LRRTM4: variants seen among roughly 807,000 people sequenced by gnomAD.
LRRTM4 encodes the protein leucine rich repeat transmembrane neuronal 4, also known as leucine-rich repeat transmembrane neuronal protein 4.
In LRRTM4, 25 loss-of-function variants were observed where a neutral mutation model predicts 47.6. The observed-to-expected ratio is 0.53, with a 90% CI of 0.38 to 0.73. The LOEUF (loss-of-function observed/expected upper bound fraction) is 0.73, where lower values mean the gene tolerates loss of function less well. Among genes scored for constraint, LRRTM4 ranks in the 30% least tolerant of loss-of-function variants. The pLI, the probability that LRRTM4 is intolerant of heterozygous loss-of-function variation, is 0.00. For missense variants in LRRTM4, 638 were observed against 713.4 expected, an observed-to-expected ratio of 0.89 and a Z score of 1.20; for synonymous variants, 311 against 269.5, an observed-to-expected ratio of 1.15 and a Z score of -1.51.
chr2:76,872,332 A>T (rs564090180), intron 3 of LRRTM4, among the ~76,000 whole-genome samples: 1 of 152,256 alleles, frequency 6.6e-6, no homozygotes, highest in South Asian at 2.1e-4. Flanking sequence ...AAATGGAGTG[A>T]ATAAGAAAAG....
intron 3 of LRRTM4, among the ~76,000 whole-genome samples, chr2:76,834,175 G>C (rs115135010): frequency 0.078 from 11,861 of 151,116 alleles, 503 homozygotes; most frequent in Middle Eastern, 0.15. Context: ...CTAATGGCTG[G>C]GATTACAGGT....
At chr2:76,854,339 C>G (rs1672085165) in intron 3 of LRRTM4, among the ~76,000 whole-genome samples, 1 of 152,080 alleles carries the variant, frequency 6.6e-6, no homozygotes, top group East Asian at 1.9e-4. Context: ...TGCTGAGAAT[C>G]TGCTTTTACT....
At chr2:77,075,693 A>G (rs1306196318) in intron 3 of LRRTM4, among the ~76,000 whole-genome samples, 1 of 151,588 alleles carries the variant, frequency 6.6e-6, no homozygotes, top group African/African-American at 2.4e-5. Flanking sequence ...AGGCGGGCAG[A>G]TCACGAGGTC....
chr2:76,983,301 G>A (rs141544004), intron 3 of LRRTM4, among the ~76,000 whole-genome samples: 1 of 151,898 alleles, frequency 6.6e-6, no homozygotes, highest in Admixed American at 6.6e-5. Context: ...TAAACAGTAG[G>A]GATATGGTTT....
chr2:77,329,830 C>A (rs1035159559), intron 3 of LRRTM4, among the ~76,000 whole-genome samples: 2 of 152,010 alleles, frequency 1.3e-5, no homozygotes, highest in Non-Finnish European at 2.9e-5. Context: ...TGTTTTGGGT[C>A]TTGAAAGAGG....
At chr2:76,987,320 TAAATA>T (rs1354030810) in intron 3 of LRRTM4, 3 of 110,458 alleles carry the variant, frequency 2.7e-5, no homozygotes, top group African/African-American at 6.1e-5. Flanking sequence ...TTTTCAGGAT[TAAATA>T]ATTTATTCTT....
chr2:76,778,875 C>T (rs1007608538), intron 3 of LRRTM4, among the ~76,000 whole-genome samples: 1 of 151,694 alleles, frequency 6.6e-6, no homozygotes, highest in Non-Finnish European at 1.5e-5. Context: ...TTGGATCTTT[C>T]CTGCTTTCTT....
chr2:77,510,072 T>A (rs1448580977), intron 3 of LRRTM4, among the ~76,000 whole-genome samples: 1 of 152,190 alleles, frequency 6.6e-6, no homozygotes, highest in Non-Finnish European at 1.5e-5. Flanking sequence ...GTATTTACAT[T>A]GTTTCTTTAA....
At chr2:77,013,587 C>G (rs933425847) in intron 3 of LRRTM4, among the ~76,000 whole-genome samples, 6 of 151,916 alleles carry the variant, frequency 3.9e-5, no homozygotes, top group Non-Finnish European at 4.4e-5. Context: ...AATTGACAGC[C>G]TAGGCTGAGA....
chr2:77,386,337 A>G (rs1018438901), intron 3 of LRRTM4, among the ~76,000 whole-genome samples: 1 of 152,184 alleles, frequency 6.6e-6, no homozygotes, highest in Non-Finnish European at 1.5e-5. Context: ...ACATAAGTCA[A>G]GTATATCTAA....
chr2:76,793,976 T>A (rs1162607701), intron 3 of LRRTM4, among the ~76,000 whole-genome samples: 1 of 152,212 alleles, frequency 6.6e-6, no homozygotes, highest in Non-Finnish European at 1.5e-5. Flanking sequence ...ATGTCCCACT[T>A]ACATTTTGGA....
At chr2:77,404,015 T>C (rs549357545) in intron 3 of LRRTM4, among the ~76,000 whole-genome samples, 9 of 152,098 alleles carry the variant, frequency 5.9e-5, no homozygotes, top group African/African-American at 2.2e-4. Flanking sequence ...ATGTACTTTA[T>C]TATTCTAGTT....
chr2:77,065,414 G>C (rs769796220), intron 3 of LRRTM4, among the ~76,000 whole-genome samples: 1 of 152,154 alleles, frequency 6.6e-6, no homozygotes, highest in Non-Finnish European at 1.5e-5. Flanking sequence ...ATTAATGCAT[G>C]TCCTGCTCTT....
intron 3 of LRRTM4, among the ~76,000 whole-genome samples, chr2:77,461,298 G>A (rs1458258092): frequency 6.6e-6 from 1 of 151,974 alleles, no homozygotes; most frequent in Admixed American, 6.6e-5. Flanking sequence ...TTACTTTCTG[G>A]TTATTGTACA....
intron 3 of LRRTM4, among the ~76,000 whole-genome samples, chr2:77,263,276 G>A (rs1675966830): frequency 6.6e-6 from 1 of 152,060 alleles, no homozygotes; most frequent in Admixed American, 6.6e-5. Flanking sequence ...CCATCTGGCT[G>A]TTCCCTATTT....
chr2:77,021,517 G>A (rs535929720), intron 3 of LRRTM4, among the ~76,000 whole-genome samples: 1 of 152,284 alleles, frequency 6.6e-6, no homozygotes, highest in South Asian at 2.1e-4. Flanking sequence ...GCAAAAACGT[G>A]ATAAGTGATT....
chr2:76,873,520 A>ACATATATATATATATATATATATG (rs764805070), intron 3 of LRRTM4, among the ~76,000 whole-genome samples: 162 of 143,558 alleles, frequency 1.1e-3, no homozygotes, highest in Middle Eastern at 3.6e-3. Context: ...ATATATATAT[A>ACATATATATATATATATATATATG]TATATATATA....
intron 3 of LRRTM4, among the ~76,000 whole-genome samples, chr2:77,190,444 G>A (rs1051345761): frequency 1.3e-5 from 2 of 151,870 alleles, no homozygotes; most frequent in Non-Finnish European, 2.9e-5. Flanking sequence ...ACAGGTGCCT[G>A]CCACCACACC....
chr2:76,891,441 A>C (rs1269775907), intron 3 of LRRTM4, among the ~76,000 whole-genome samples: 1 of 151,808 alleles, frequency 6.6e-6, no homozygotes, highest in Non-Finnish European at 1.5e-5. Context: ...GGAATTGAGA[A>C]AATTTTCACA....
Sources: allele counts gnomAD v4.1 joint callset (sites outside exome capture counted in the v4.1 genomes callset), GRCh38; gene constraint gnomAD v4.1.1; transcripts MANE v1.5; gene names NCBI Gene and HGNC (gene_info 2026-07-23, HGNC 2026-07-21).